WWP2: variants seen among roughly 807,000 people sequenced by gnomAD.
The protein encoded by WWP2 is WW domain containing E3 ubiquitin protein ligase 2.
A neutral mutation model predicts 121.0 loss-of-function variants in WWP2; 57 were observed. The observed-to-expected ratio is 0.47, with a 90% CI of 0.38 to 0.59. The LOEUF (loss-of-function observed/expected upper bound fraction) is 0.59, where lower values mean the gene tolerates loss of function less well. WWP2 is among the 20% of genes least tolerant of loss of function. The probability of loss-of-function intolerance (pLI) is 0.00; values close to 1 mark genes in which losing one functional copy is unlikely to be tolerated. For missense variants in WWP2, 962 were observed against 1,158.9 expected (o/e 0.83, Z 2.47); for synonymous variants, 449 against 441.3 (o/e 1.02, Z -0.22).
chr16:69,807,197 G>A (rs1202801756), intron 4 of WWP2, among the ~76,000 whole-genome samples: 2 of 151,686 alleles, frequency 1.3e-5, no homozygotes, highest in African/African-American at 4.8e-5. Context: ...CACCATGCCC[G>A]GCTAATTTTG....
chr16:69,923,062 G>A (rs1046934189), intron 10 of WWP2, among the ~76,000 whole-genome samples: 2 of 151,998 alleles, frequency 1.3e-5, no homozygotes, highest in African/African-American at 4.8e-5. Context: ...GCTAATTTTT[G>A]TATTTTCAGT....
intron 7 of WWP2, among the ~76,000 whole-genome samples, chr16:69,876,169 T>C (rs989971211): frequency 1.3e-5 from 2 of 151,960 alleles, no homozygotes; most frequent in Non-Finnish European, 2.9e-5. Flanking sequence ...TGTGGGCCAG[T>C]CTGGTCTTGA....
chr16:69,801,692 G>A (rs1014720810), intron 4 of WWP2, among the ~76,000 whole-genome samples: 3 of 151,590 alleles, frequency 2.0e-5, no homozygotes, highest in African/African-American at 7.3e-5. Flanking sequence ...AACCACAGGC[G>A]TGCACCACTA....
chr16:69,784,580 G>A (rs929082453), intron 1 of WWP2, among the ~76,000 whole-genome samples: 4 of 152,094 alleles, frequency 2.6e-5, no homozygotes, highest in Admixed American at 6.6e-5. Flanking sequence ...AGCCAGGTTC[G>A]CCTGAGAATG....
chr16:69,886,586 C>T (rs2057929406), intron 7 of WWP2, among the ~76,000 whole-genome samples: 1 of 152,148 alleles, frequency 6.6e-6, no homozygotes, highest in Non-Finnish European at 1.5e-5. Flanking sequence ...ATGGTGAAAC[C>T]CCGTCTCTAT....
chr16:69,909,667 A>C (rs2058351660), intron 9 of WWP2: 1 of 985,352 alleles, frequency 1.0e-6, no homozygotes, highest in Admixed American at 6.1e-5. Flanking sequence ...ACTTGAAGTC[A>C]AATGAAGTTA....
At chr16:69,838,911 A>G in intron 4 of WWP2, 7 of 983,250 alleles carry the variant, frequency 7.1e-6, no homozygotes, top group Non-Finnish European at 8.4e-6. Flanking sequence ...CTATCTTATT[A>G]TAATAGATCT....
In WWP2 at chr16:69,927,298, G is replaced by T. The variant is rs535815778; in HGVS notation, c.1234+1814G>T. On this transcript the variant is annotated intron_variant, in intron 11 of 23. Coordinates refer to ENST00000359154, the MANE Select transcript of WWP2 (RefSeq NM_001270454.2). The stretch of plus-strand genomic sequence containing the variant: ...CAGCCAGACCAAGTGAGAGTGATCG[G>T]CAGCTTGCTAACCCAGCCTGCTGGT... Among the ~76,000 whole-genome samples, 7 of 152,122 alleles carry T rather than the reference G, an allele frequency of 4.6e-5. No homozygotes were observed. In the South Asian group the frequency reaches 1.5e-3, roughly 32 times the overall value.
chr16:69,796,001 A>G (rs866753598), intron 2 of WWP2, among the ~76,000 whole-genome samples: 99 of 151,850 alleles, frequency 6.5e-4, no homozygotes, highest in African/African-American at 2.2e-3. Context: ...CCTGGACCAG[A>G]ACAAATTTTT....
intron 6 of WWP2, among the ~76,000 whole-genome samples, chr16:69,851,617 T>A (rs1597054502): frequency 6.6e-6 from 1 of 152,298 alleles, no homozygotes; most frequent in East Asian, 1.9e-4. Flanking sequence ...ACTGGTTGCT[T>A]CCAAGTTTTG....
At chr16:69,921,169 T>G (rs939063294) in intron 10 of WWP2, among the ~76,000 whole-genome samples, 6 of 152,244 alleles carry the variant, frequency 3.9e-5, no homozygotes, top group African/African-American at 1.4e-4. Flanking sequence ...GGCAGGAATC[T>G]TTCTTTGGTC....
chr16:69,903,766 CAAA>C (rs1270704481), intron 8 of WWP2, among the ~76,000 whole-genome samples: 7 of 86,340 alleles, frequency 8.1e-5, no homozygotes, highest in Non-Finnish European at 7.4e-5. Context: ...GAATCTGTCT[CAAA>C]AAAAAAAAAA....
chr16:69,916,197 G>A (rs1185343153), intron 9 of WWP2, among the ~76,000 whole-genome samples: 6 of 152,058 alleles, frequency 3.9e-5, no homozygotes, highest in Non-Finnish European at 8.8e-5. Flanking sequence ...TGTTGTTGTT[G>A]TTGTTGTTGT....
At chr16:69,860,700 C>T (rs2057401107) in intron 6 of WWP2, among the ~76,000 whole-genome samples, 5 of 152,012 alleles carry the variant, frequency 3.3e-5, no homozygotes, top group South Asian at 2.1e-4. Context: ...TGTGATTTGT[C>T]GTGTCAGAAC....
chr16:69,824,126 C>T (rs759126941), intron 4 of WWP2, among the ~76,000 whole-genome samples: 1 of 152,248 alleles, frequency 6.6e-6, no homozygotes, highest in Non-Finnish European at 1.5e-5. Context: ...ATTCGGGCGG[C>T]TTCCGCCTGA....
intron 4 of WWP2, among the ~76,000 whole-genome samples, chr16:69,824,866 G>A (rs889589668): frequency 1.1e-5 from 1 of 93,588 alleles, no homozygotes; most frequent in Admixed American, 1.2e-4. Flanking sequence ...CACCTCCCGG[G>A]TTCAAGTGAT....
At position 69,812,476 on chromosome 16, in the gene WWP2, C is replaced by CG. The variant is rs1555548739; in HGVS notation, c.340+13181_340+13182insG. On this transcript the variant is annotated intron_variant, in intron 4 of 23. Coordinates refer to ENST00000359154, the MANE Select transcript of WWP2 (RefSeq NM_001270454.2). ...CACCGCGCCTGCCCCCAACCCCCCC[C>CG]CTTTTTTTTTTTTTTTAATTGAGAC... Among the ~76,000 whole-genome samples the CG allele has an allele frequency of 1.2e-4, 15 of 125,860 alleles. No individual in the cohort carries two copies. In the South Asian group the frequency reaches 3.8e-3, roughly 32 times the overall value. The allele number at this position is 125,860 out of a possible 152,430, so 82.6% of individuals were successfully genotyped here.
In WWP2 at chr16:69,917,865, C is replaced by T; in HGVS notation, c.1161C>T (p.Ser387=). 5 of 1,611,980 alleles carry T rather than the reference C, an allele frequency of 3.1e-6. No individual in the cohort carries two copies. The highest frequency in any genetic ancestry group is 4.2e-6 in the Non-Finnish European group (5 of 1,178,164). ...NQLQGAMQHF[S]QRFLYQSSSA... ...TCCAGGGGGCCATGCAGCACTTCAGCCAAAGATTCCTCTACCAGGTGAGAG... is the reference window on the plus strand; with the variant it reads ...TCCAGGGGGCCATGCAGCACTTCAGTCAAAGATTCCTCTACCAGGTGAGAG... Residue 387 remains serine, a synonymous_variant, in exon 10 of 24, where the codon AGC becomes AGT. Coordinates refer to ENST00000359154, the MANE Select transcript of WWP2 (RefSeq NM_001270454.2).
At chr16:69,922,356 A>G (rs1387733175) in intron 10 of WWP2, among the ~76,000 whole-genome samples, 1 of 152,006 alleles carries the variant, frequency 6.6e-6, no homozygotes, top group African/African-American at 2.4e-5. Context: ...CTGAGTTTGT[A>G]TCTTAAAATA....
Sources: allele counts gnomAD v4.1 joint callset (sites outside exome capture counted in the v4.1 genomes callset), GRCh38; gene constraint gnomAD v4.1.1; transcripts MANE v1.5; gene names NCBI Gene and HGNC (gene_info 2026-07-23, HGNC 2026-07-21).